ABCB5: variants seen among roughly 807,000 people sequenced by gnomAD.
The protein encoded by ABCB5 is ATP binding cassette subfamily B member 5, also known as ATP-binding cassette sub-family B member 5.
A neutral mutation model predicts 144.2 loss-of-function variants in ABCB5; 155 were observed. That is an observed-to-expected ratio of 1.08 (90% CI 0.94 to 1.23). The LOEUF is 1.23. Among genes scored for constraint, ABCB5 ranks in the 50% most tolerant of loss-of-function variants. ABCB5 has a pLI of 0.00. For missense variants in ABCB5, 1,830 were observed against 1,520.8 expected, an observed-to-expected ratio of 1.20 and a Z score of -3.38; for synonymous variants, 610 against 528.6, an observed-to-expected ratio of 1.15 and a Z score of -2.11.
At chr7:20,646,265 T>G (rs890671197) in intron 9 of ABCB5, 127 bp downstream of exon 9, 7 of 929,818 alleles carry the variant, frequency 7.5e-6, no homozygotes, top group Non-Finnish European at 1.1e-5. Context: ...TTTGTTTCCC[T>G]CAAATTATCT....
chr7:20,694,751 TAG>T (rs1786350636), intron 16 of ABCB5, among the ~76,000 whole-genome samples: 2 of 152,122 alleles, frequency 1.3e-5, no homozygotes, highest in East Asian at 3.9e-4. Context: ...AGCAAGGTTG[TAG>T]AATATGTGAC....
chr7:20,625,986 G>C (rs1041897818), intron 2 of ABCB5, among the ~76,000 whole-genome samples: 2 of 152,146 alleles, frequency 1.3e-5, no homozygotes, highest in African/African-American at 2.4e-5. Context: ...CTACAATGTG[G>C]ATGAAACATG....
At chr7:20,701,653 A>G (rs1002072510) in intron 19 of ABCB5, among the ~76,000 whole-genome samples, 1 of 152,204 alleles carries the variant, frequency 6.6e-6, no homozygotes, top group Non-Finnish European at 1.5e-5. Flanking sequence ...ACATTTTTAG[A>G]TACAGTAGCT....
intron 2 of ABCB5, among the ~76,000 whole-genome samples, chr7:20,625,718 A>G (rs944705310): frequency 2.0e-5 from 3 of 152,226 alleles, no homozygotes; most frequent in African/African-American, 7.2e-5. Context: ...AAAATGGTGC[A>G]GTTGCTATGG....
chr7:20,641,073 G>C (rs1015156695), intron 5 of ABCB5, among the ~76,000 whole-genome samples: 1 of 151,938 alleles, frequency 6.6e-6, no homozygotes, highest in Non-Finnish European at 1.5e-5. Flanking sequence ...CCCCTCTCTC[G>C]TGCTTCCATT....
intron 14 of ABCB5, among the ~76,000 whole-genome samples, chr7:20,676,933 G>C (rs192913093): frequency 1.3e-5 from 2 of 152,052 alleles, no homozygotes; most frequent in Non-Finnish European, 2.9e-5. Context: ...AAACACAAAT[G>C]ATGAAATTAT....
intron 5 of ABCB5, among the ~76,000 whole-genome samples, chr7:20,637,664 C>G (rs755126452): frequency 6.6e-6 from 1 of 152,118 alleles, no homozygotes. Context: ...AGGTGAGCTG[C>G]CCACCTCGGA....
At chr7:20,668,467 G>C (rs1785301163) in intron 14 of ABCB5, among the ~76,000 whole-genome samples, 1 of 151,884 alleles carries the variant, frequency 6.6e-6, no homozygotes, top group African/African-American at 2.4e-5. Context: ...TCTGAGAAGC[G>C]AGGAAACCCT....
chr7:20,634,674 T>C (rs2128020201), intron 5 of ABCB5, among the ~76,000 whole-genome samples: 1 of 152,258 alleles, frequency 6.6e-6, no homozygotes, highest in African/African-American at 2.4e-5. Context: ...TTTCATATGC[T>C]TTTTGGACAT....
intron 14 of ABCB5, among the ~76,000 whole-genome samples, chr7:20,665,104 C>T (rs1034609331): frequency 8.5e-5 from 13 of 152,134 alleles, no homozygotes; most frequent in African/African-American, 3.1e-4. Flanking sequence ...TATTATTTCA[C>T]GTTCCTAATT....
At chr7:20,712,641 A>G (rs1458579786) in intron 20 of ABCB5, among the ~76,000 whole-genome samples, 1 of 149,474 alleles carries the variant, frequency 6.7e-6, no homozygotes, top group Non-Finnish European at 1.5e-5. Flanking sequence ...TTAATCTGCT[A>G]TTGATCCTAT....
chr7:20,687,489 T>C (rs1786040855), intron 16 of ABCB5, among the ~76,000 whole-genome samples: 1 of 152,174 alleles, frequency 6.6e-6, no homozygotes, highest in Non-Finnish European at 1.5e-5. Context: ...CACAAAGTGG[T>C]GAGCTGGACA....
chr7:20,637,478 T>C (rs1583383606), intron 5 of ABCB5, among the ~76,000 whole-genome samples: 1 of 151,384 alleles, frequency 6.6e-6, no homozygotes, highest in African/African-American at 2.4e-5. Flanking sequence ...TGGAGTGCAA[T>C]GGCATGATCT....
intron 20 of ABCB5, among the ~76,000 whole-genome samples, chr7:20,705,180 C>T (rs1465267379): frequency 6.6e-6 from 1 of 152,098 alleles, no homozygotes; most frequent in South Asian, 2.1e-4. Flanking sequence ...TTCCTTCCCC[C>T]AGAAAATAAG....
intron 13 of ABCB5, among the ~76,000 whole-genome samples, chr7:20,655,850 CA>C (rs1220755035): frequency 1.3e-5 from 2 of 151,958 alleles, no homozygotes; most frequent in African/African-American, 4.8e-5. Context: ...CAACAATAGC[CA>C]AAACAATTTT....
chr7:20,653,869 G>A (rs1309311151), intron 13 of ABCB5, among the ~76,000 whole-genome samples: 1 of 152,246 alleles, frequency 6.6e-6, no homozygotes, highest in East Asian at 1.9e-4. Flanking sequence ...CGGGGGCGTT[G>A]AAAGTGCAGC....
At chr7:20,691,118 G>GT (rs1393686540) in intron 16 of ABCB5, among the ~76,000 whole-genome samples, 2 of 143,326 alleles carry the variant, frequency 1.4e-5, no homozygotes, top group African/African-American at 2.6e-5. Flanking sequence ...GGTCTGAGTA[G>GT]TTTTCAGGCC....
chr7:20,732,820 C>A (rs1290332020), intron 23 of ABCB5, among the ~76,000 whole-genome samples: 1 of 152,150 alleles, frequency 6.6e-6, no homozygotes. Flanking sequence ...GAAAAAATTT[C>A]TCAGTCGAAG....
At chr7:20,621,607 A>G (rs186132571) in intron 1 of ABCB5, among the ~76,000 whole-genome samples, 4 of 152,192 alleles carry the variant, frequency 2.6e-5, no homozygotes, top group East Asian at 1.9e-4. Context: ...ACTTTTTTCA[A>G]TTCTTCATGA....
Sources: allele counts gnomAD v4.1 joint callset (sites outside exome capture counted in the v4.1 genomes callset), GRCh38; gene constraint gnomAD v4.1.1; transcripts MANE v1.5; gene names NCBI Gene and HGNC (gene_info 2026-07-23, HGNC 2026-07-21).